The following NGLY1 variants were observed in gnomAD, a reference collection of about 807,000 sequenced individuals.
The protein encoded by NGLY1 is N-glycanase 1, also known as peptide-N(4)-(N-acetyl-beta-glucosaminyl)asparagine amidase.
Under a neutral mutation model 84.6 loss-of-function variants are expected in NGLY1, and 68 were observed. The ratio of observed to expected loss-of-function variants is 0.80; its 90% CI spans 0.66 to 0.98. The LOEUF is 0.98. NGLY1 is among the 50% of genes least tolerant of loss of function. NGLY1 has a pLI of 0.00. For synonymous variants in NGLY1, 280 were observed against 275.2 expected (o/e 1.02, Z -0.17); for missense variants, 779 against 770.2 (o/e 1.01, Z -0.14).
At chr3:25,758,366 A>C (rs1707141348) in intron 3 of NGLY1, among the ~76,000 whole-genome samples, 1 of 152,138 alleles carries the variant, frequency 6.6e-6, no homozygotes, top group South Asian at 2.1e-4. Context: ...GCTTGAGACC[A>C]GGAGTTCCAG....
chr3:25,730,364 G>T (rs186328882), intron 9 of NGLY1: 377 of 151,838 alleles, frequency 2.5e-3, no homozygotes, highest in African/African-American at 8.6e-3. Context: ...TTAAATCCAT[G>T]GCCCTAAAAT....
Position 25,783,233 on chromosome 3 carries a change from C to T in NGLY1, c.131+27G>A, listed in dbSNP as rs941046316. 7.5e-6 allele frequency: 12 copies of T among 1,599,538 alleles called. No homozygotes were observed. Among genetic ancestry groups the T allele is most frequent in the Non-Finnish European group, 9.4e-6 (11 of 1,170,428 alleles). On this transcript the variant is annotated intron_variant, in intron 1 of 11. Coordinates refer to ENST00000280700, the MANE Select transcript of NGLY1 (RefSeq NM_018297.4). This position sits in a 1 kb window ranked among gnomAD's most constrained non-coding sequence, Gnocchi z 4.5. ...TGCCGCGGCCCACCCACCCCGGTAC[C>T]CGCCGTCCGACCCCGTTGCCCTGCA...
chr3:25,729,135 T>G lies in NGLY1; in HGVS notation c.1609A>C (p.Met537Leu). The G allele has an allele frequency of 1.4e-6, 2 of 1,478,622 alleles. No individual in the cohort carries two copies. Among genetic ancestry groups the G allele is most frequent in the Non-Finnish European group, 1.8e-6 (2 of 1,103,798 alleles). The allele number at this position is 1,478,622 out of a possible 1,614,324, so 91.6% of individuals were successfully genotyped here. A position where few individuals can be genotyped will look rare whatever the true frequency, so the allele number is the denominator to read the frequency against. The change falls in exon 10 of 12, where the codon ATG (methionine) becomes CTG (leucine). Residue 537 changes from methionine to leucine, a missense_variant and splice_region_variant. Transcript: ENST00000280700. Reference protein sequence around the residue: ...IFRKVETDWHMVYLARKEGSS... With the variant: ...IFRKVETDWHLVYLARKEGSS... ...AATGGTTTTATGCATTAAGTTACCA[T>G]GTGCCAGTCTGTTTCAACTTTTCTG...
rs1170599961 is a variant in NGLY1 at position 25,743,552 on chromosome 3, C to G, written c.659-3753G>C. Reference sequence around the variant, plus strand: ...TCACTCACTCTGTTCTCCCATTGGTCTTCCTAGCACTTTTCACTAGTGTGT... The same window carrying G: ...TCACTCACTCTGTTCTCCCATTGGTGTTCCTAGCACTTTTCACTAGTGTGT... On this transcript the variant is annotated intron_variant, in intron 4 of 11. Transcript: ENST00000280700. 2.9e-5 allele frequency among the ~76,000 whole-genome samples: 4 copies of G among 139,842 alleles called. No homozygotes were observed. The East Asian group carries it at 9.3e-4, about 32-fold the overall frequency. 91.7% of individuals were successfully genotyped at this position (139,842 alleles called of 152,430 possible). A position where few individuals can be genotyped will look rare whatever the true frequency, so the allele number is the denominator to read the frequency against.
At chr3:25,763,137 C>A (rs148803525) in intron 3 of NGLY1, among the ~76,000 whole-genome samples, 1 of 151,904 alleles carries the variant, frequency 6.6e-6, no homozygotes, top group East Asian at 1.9e-4. Context: ...AAGAAAAAAA[C>A]AAAACAAAAG....
exon 1 of NGLY1, chr3:25,790,026 G>A: frequency 1.2e-6 from 1 of 867,912 alleles, no homozygotes; most frequent in Non-Finnish European, 1.9e-6. Context: ...AACGGGACGC[G>A]TGCGTGGGAA....
At chr3:25,763,398 A>G (rs1707406930) in intron 3 of NGLY1, among the ~76,000 whole-genome samples, 1 of 152,222 alleles carries the variant, frequency 6.6e-6, no homozygotes, top group South Asian at 2.1e-4. Context: ...AAAACCAAGA[A>G]AGATGTTAAG....
chr3:25,742,357 C>A (rs1016247165), intron 4 of NGLY1, among the ~76,000 whole-genome samples: 3 of 152,066 alleles, frequency 2.0e-5, no homozygotes, highest in African/African-American at 7.2e-5. Flanking sequence ...AGTGTATGTA[C>A]AATCAAACAC....
chr3:25,784,569 C>T (rs571114805), upstream of NGLY1, among the ~76,000 whole-genome samples: 11 of 152,286 alleles, frequency 7.2e-5, no homozygotes, highest in South Asian at 1.2e-3. Flanking sequence ...CCTTTTCAAC[C>T]TCACGAAGTA....
intron 1 of NGLY1, among the ~76,000 whole-genome samples, chr3:25,782,070 A>G (rs1708444224): frequency 6.6e-6 from 1 of 152,254 alleles, no homozygotes; most frequent in South Asian, 2.1e-4. Flanking sequence ...ACAGGTCACA[A>G]TTATGTAGCT....
intron 6 of NGLY1, chr3:25,736,548 G>A: frequency 1.8e-6 from 1 of 560,336 alleles, no homozygotes; most frequent in Non-Finnish European, 3.2e-6. Context: ...TAGAATCTCT[G>A]GTCAATACAT....
chr3:25,729,917 T>A (rs1559531561), intron 9 of NGLY1: 1 of 152,190 alleles, frequency 6.6e-6, no homozygotes, highest in African/African-American at 2.4e-5. Flanking sequence ...GTCCAGCTCA[T>A]TTTGCCTCAC....
chr3:25,786,142 CTTTCT>C (rs1210812064), upstream of NGLY1, among the ~76,000 whole-genome samples: 5 of 152,060 alleles, frequency 3.3e-5, no homozygotes, highest in African/African-American at 7.2e-5. Flanking sequence ...TTACAGAGTT[CTTTCT>C]TTTTTGTTTT....
intron 2 of NGLY1, among the ~76,000 whole-genome samples, chr3:25,770,536 G>C (rs1707840504): frequency 1.3e-5 from 2 of 152,262 alleles, no homozygotes; most frequent in Non-Finnish European, 1.5e-5. Flanking sequence ...ACATGCGTGT[G>C]CAAGTATCTT....
At position 25,736,072 on chromosome 3, in the gene NGLY1, T is replaced by C; in HGVS notation, c.1081A>G (p.Lys361Glu). The C allele has an allele frequency of 6.2e-7, 1 of 1,613,962 alleles. No individual in the cohort carries two copies. The highest frequency in any genetic ancestry group is 8.5e-7 in the Non-Finnish European group (1 of 1,179,924). The stretch of plus-strand genomic sequence containing the variant: ...CATCCTATTTCATAAAGGAGTGGCT[T>C]GTCACAGACATCTTCACATGCATCA... ...HCDACEDVCD[K>E]PLLYEIGWGK... The change falls in exon 7 of 12, where the codon AAG becomes GAG. Residue 361 changes from lysine (K) to glutamate (E), a missense_variant. Transcript: ENST00000280700.
In NGLY1 at chr3:25,751,188, G is replaced by C; in HGVS notation, c.568C>G (p.Leu190Val). 1 of 1,613,510 alleles carries C rather than the reference G, an allele frequency of 6.2e-7. No homozygotes were observed. Among genetic ancestry groups the C allele is most frequent in the Non-Finnish European group, 8.5e-7 (1 of 1,179,798 alleles). The change falls in exon 4 of 12, where the codon CTT (leucine) becomes GTT (valine). Residue 190 changes from leucine to valine, a missense_variant. Leu to Val is a conservative substitution (Grantham distance 32). Coordinates refer to ENST00000280700, the MANE Select transcript of NGLY1 (RefSeq NM_018297.4). The stretch of plus-strand genomic sequence containing the variant: ...ATACAAGCCAACGCTTTCTCCTGAA[G>C]AGCAGGATTTTCATAGACCAGCACA... ...QHVLVYENPALQEKALACIPV... is the reference protein window; with the variant it reads ...QHVLVYENPAVQEKALACIPV...
intron 2 of NGLY1, among the ~76,000 whole-genome samples, chr3:25,777,153 T>C (rs1708188941): frequency 6.6e-6 from 1 of 152,192 alleles, no homozygotes. Flanking sequence ...CCCAATACTT[T>C]GGGAGGCCAA....
intron 10 of NGLY1, among the ~76,000 whole-genome samples, chr3:25,721,607 G>A (rs1704991937): frequency 6.6e-6 from 1 of 151,622 alleles, no homozygotes; most frequent in South Asian, 2.1e-4. Flanking sequence ...ATATTAGCTG[G>A]GCGTGGTGGC....
At chr3:25,784,829 C>T (rs1309519525), upstream of NGLY1, among the ~76,000 whole-genome samples, 2 of 152,100 alleles carry the variant, frequency 1.3e-5, no homozygotes, top group African/African-American at 2.4e-5. Flanking sequence ...ATGTTACTAC[C>T]GTCTGTAACT....
Sources: allele counts gnomAD v4.1 joint callset (sites outside exome capture counted in the v4.1 genomes callset), GRCh38; gene constraint gnomAD v4.1.1; non-coding constraint Gnocchi (gnomAD v3.1); transcripts MANE v1.5; gene names NCBI Gene and HGNC (gene_info 2026-07-23, HGNC 2026-07-21).